Variants in CFAP91 observed in about 807,000 individuals in gnomAD.
CFAP91 encodes cilia- and flagella-associated protein 91.
In CFAP91, 85 loss-of-function variants were observed where a neutral mutation model predicts 95.9. The ratio of observed to expected loss-of-function variants is 0.89; its 90% confidence interval spans 0.74 to 1.06. The LOEUF is 1.06. CFAP91 is among the 50% of genes least tolerant of loss of function. The pLI is 0.00. For missense variants in CFAP91, 962 were observed against 943.4 expected, an observed-to-expected ratio of 1.02 and a Z score of -0.26; for synonymous variants, 335 against 327.5, an observed-to-expected ratio of 1.02 and a Z score of -0.25.
At chr3:119,753,632 G>A (rs2054369031) in intron 17 of CFAP91, among the ~76,000 whole-genome samples, 1 of 152,140 alleles carries the variant, frequency 6.6e-6, no homozygotes, top group Admixed American at 6.5e-5. Context: ...AGACCTAAAA[G>A]GATCTAAAAT....
intron 8 of CFAP91, among the ~76,000 whole-genome samples, chr3:119,731,979 CATTT>C (rs1430919914): frequency 6.6e-6 from 1 of 152,206 alleles, no homozygotes; most frequent in Admixed American, 6.5e-5. Flanking sequence ...GAGTTTCATT[CATTT>C]AACAAACTTT....
chr3:119,719,101 A>G (rs988118533), intron 6 of CFAP91, among the ~76,000 whole-genome samples: 4 of 152,210 alleles, frequency 2.6e-5, no homozygotes, highest in African/African-American at 9.7e-5. Context: ...TCTATATAAT[A>G]ATGAGAATGA....
At chr3:119,764,274 G>A (rs2054591579) in intron 17 of CFAP91, among the ~76,000 whole-genome samples, 1 of 152,038 alleles carries the variant, frequency 6.6e-6, no homozygotes, top group Admixed American at 6.6e-5. Context: ...TCATAAGCAG[G>A]GCTGCTCCTG....
rs774520204 is a variant in CFAP91, at chr3:119,744,084, A to G, written c.1790A>G (p.His597Arg). 1 of 1,614,198 alleles carries G rather than the reference A, an allele frequency of 6.2e-7. No homozygotes were observed. The highest frequency in any genetic ancestry group is 8.5e-7 in the Non-Finnish European group (1 of 1,180,018). ...LVRLQEERRI[H>R]AFVMLAERQR... is the part of the protein sequence containing the mutation. ...AGACTGCAGGAGGAGAGGAGGATCC[A>G]TGCCTTTGTCATGCTGGCTGAGCGC... The change falls in exon 14 of 18, where the codon CAT (histidine) becomes CGT (arginine). Residue 597 changes from histidine to arginine, a missense_variant. By Grantham distance (29) the His-to-Arg change is conservative. Coordinates refer to ENST00000273390, the MANE Select transcript of CFAP91 (RefSeq NM_033364.4).
intron 16 of CFAP91, chr3:119,750,109 T>C (rs1312957585): frequency 1.3e-5 from 2 of 152,140 alleles, no homozygotes; most frequent in Non-Finnish European, 2.9e-5. Flanking sequence ...AACTGCTGAG[T>C]GAATTACCCT....
chr3:119,747,776 CA>C, intron 15 of CFAP91, 34 bp from the exon 16 acceptor site: 1 of 1,577,762 alleles, frequency 6.3e-7, no homozygotes, highest in Non-Finnish European at 8.7e-7. Flanking sequence ...GTGAAAAAAC[CA>C]AAGAAATAAT....
At chr3:119,744,325 C>G (rs1209546842) in intron 14 of CFAP91, 129 bp downstream of exon 14, 2 of 674,362 alleles carry the variant, frequency 3.0e-6, no homozygotes, top group African/African-American at 1.8e-5. Context: ...GCCAGGCACT[C>G]TACAGAGGCA....
At chr3:119,717,569 T>TC (rs2053601461) in intron 6 of CFAP91, among the ~76,000 whole-genome samples, 12 of 145,792 alleles carry the variant, frequency 8.2e-5, no homozygotes, top group Non-Finnish European at 1.1e-4. Context: ...TTTTTTTTTT[T>TC]CACAAACATC....
At chr3:119,728,087 A>G (rs144781596) in intron 7 of CFAP91, among the ~76,000 whole-genome samples, 1 of 152,094 alleles carries the variant, frequency 6.6e-6, no homozygotes, top group East Asian at 1.9e-4. Context: ...ATATCAGATA[A>G]GTGAATGGTA....
At chr3:119,706,562 T>C (rs1430825948) in intron 1 of CFAP91, 1 of 455,662 alleles carries the variant, frequency 2.2e-6, no homozygotes, top group Admixed American at 3.6e-5. Context: ...ACTTTCTTTA[T>C]GAATTCCACT....
At chr3:119,706,779 T>C in intron 1 of CFAP91, 30 bp from the exon 2 acceptor site, 1 of 1,533,816 alleles carries the variant, frequency 6.5e-7, no homozygotes, top group East Asian at 2.2e-5. Context: ...ATGTTCTATC[T>C]GTTATGCTAC....
intron 17 of CFAP91, among the ~76,000 whole-genome samples, chr3:119,758,586 AATCTGT>A (rs1489982621): frequency 1.3e-5 from 2 of 152,276 alleles, no homozygotes; most frequent in Non-Finnish European, 2.9e-5. Context: ...GGAAGTAGTT[AATCTGT>A]ATTGTAATGA....
intron 17 of CFAP91, among the ~76,000 whole-genome samples, chr3:119,752,594 G>A (rs1310044958): frequency 6.6e-6 from 1 of 152,134 alleles, no homozygotes; most frequent in Non-Finnish European, 1.5e-5. Flanking sequence ...ATAAAAGCAA[G>A]CCTTAAGGTT....
At chr3:119,716,067 T>C (rs1025872732) in intron 6 of CFAP91, 21 of 511,214 alleles carry the variant, frequency 4.1e-5, no homozygotes, top group Non-Finnish European at 6.5e-5. Context: ...CAATCATACT[T>C]CTTTAAACAT....
At chr3:119,750,165 C>T (rs1184632349) in intron 16 of CFAP91, 1 of 152,212 alleles carries the variant, frequency 6.6e-6, no homozygotes, top group Non-Finnish European at 1.5e-5. Flanking sequence ...CACAGTACTT[C>T]TTGCGGTCCT....
intron 6 of CFAP91, among the ~76,000 whole-genome samples, chr3:119,723,093 A>C (rs940089026): frequency 6.6e-5 from 10 of 152,188 alleles, no homozygotes; most frequent in African/African-American, 2.4e-4. Context: ...CAAAAGCAAA[A>C]GCAACAATAC....
intron 14 of CFAP91, among the ~76,000 whole-genome samples, chr3:119,744,537 A>C (rs376347506): frequency 2.6e-4 from 39 of 152,338 alleles, no homozygotes; most frequent in African/African-American, 7.9e-4. Flanking sequence ...GAGGGGGAAC[A>C]AGGCGGCCAG....
At chr3:119,730,178 G>C (rs1343559130) in intron 7 of CFAP91, 42 bp from the exon 8 acceptor site, 1 of 1,590,124 alleles carries the variant, frequency 6.3e-7, no homozygotes, top group African/African-American at 1.4e-5. Context: ...CCCTCTGTTT[G>C]AGATGCCATA....
At chr3:119,754,394 C>T (rs2054383914) in intron 17 of CFAP91, among the ~76,000 whole-genome samples, 1 of 152,020 alleles carries the variant, frequency 6.6e-6, no homozygotes, top group African/African-American at 2.4e-5. Flanking sequence ...AAATGTTAAG[C>T]AAAAAGAAAT....
Sources: gnomAD v4.1 joint callset for allele counts (sites outside exome capture counted in the v4.1 genomes callset) on GRCh38, gnomAD v4.1.1 for gene constraint, MANE v1.5 for transcripts, NCBI Gene and HGNC (gene_info 2026-07-23, HGNC 2026-07-21) for gene names.